Variants in HSD17B13 observed in about 807,000 individuals in gnomAD.
HSD17B13 encodes 17-beta-hydroxysteroid dehydrogenase 13.
In HSD17B13, 26 loss-of-function variants were observed where a neutral mutation model predicts 31.1. That is an observed-to-expected ratio of 0.84 (90% confidence interval 0.61 to 1.16). HSD17B13 has a LOEUF of 1.16. Among genes scored for constraint, HSD17B13 ranks in the 50% most tolerant of loss-of-function variants. The pLI, the probability that HSD17B13 is intolerant of heterozygous loss-of-function variation, is 0.00. For missense variants in HSD17B13, 374 were observed against 366.5 expected (o/e 1.02, Z -0.17); for synonymous variants, 141 against 133.7 (o/e 1.05, Z -0.38).
At chr4:87,320,382 GTTTTTTT>G (rs66590696) in intron 1 of HSD17B13, among the ~76,000 whole-genome samples, 3 of 101,382 alleles carry the variant, frequency 3.0e-5, no homozygotes, top group South Asian at 3.8e-4. Context: ...TTATTCTTCA[GTTTTTTT>G]TTTTTTTTTT....
At chr4:87,306,105 A>G (rs1412683245) in intron 6 of HSD17B13, among the ~76,000 whole-genome samples, 2 of 152,196 alleles carry the variant, frequency 1.3e-5, no homozygotes, top group Non-Finnish European at 2.9e-5. Context: ...TGCTTACGAC[A>G]GGTCATCTTT....
intron 3 of HSD17B13, 41 bp from the exon 4 acceptor site, chr4:87,315,640 A>G: frequency 7.9e-7 from 1 of 1,271,932 alleles, no homozygotes; most frequent in Non-Finnish European, 1.1e-6. Flanking sequence ...AATGACATAG[A>G]CGTTAGGTTT....
chr4:87,313,879 G>T lies in HSD17B13; in HGVS notation c.639C>A (p.Thr213=), dbSNP rs1210625807. ...TCACAAAAACTGGGCAGAGACATGA[G>T]GTTTTGATACCAGTTTTTCCCAAGG... is the stretch of plus-strand genomic sequence containing the variant. ...LQALGKTGIK[T]SCLCPVFVNT... The change falls in exon 5 of 7, where the codon ACC becomes ACA. Residue 213 remains threonine, a synonymous_variant. Coordinates refer to ENST00000328546, the MANE Select transcript of HSD17B13 (RefSeq NM_178135.5). 6.2e-7 allele frequency: 1 copy of T among 1,611,394 alleles called. No individual in the cohort carries two copies. Among genetic ancestry groups the T allele is most frequent in the Non-Finnish European group, 8.5e-7 (1 of 1,178,982 alleles).
intron 2 of HSD17B13, 51 bp from the exon 3 acceptor site, chr4:87,317,274 G>C: frequency 6.3e-7 from 1 of 1,584,856 alleles, no homozygotes. Flanking sequence ...CAAACTCAAA[G>C]TTTTGGGACC....
chr4:87,318,378 T>A lies in HSD17B13; in HGVS notation c.269A>T (p.Tyr90Phe), dbSNP rs372506188. 3 of 1,614,212 alleles carry A rather than the reference T, an allele frequency of 1.9e-6. No homozygotes were observed. The highest frequency in any genetic ancestry group is 2.5e-6 in the Non-Finnish European group (3 of 1,180,018). The change falls in exon 2 of 7, where the codon TAT (tyrosine) becomes TTT (phenylalanine). Residue 90 changes from tyrosine (Y) to phenylalanine (F), a missense_variant. Tyr to Phe is a conservative substitution (Grantham distance 22). Coordinates refer to ENST00000328546, the MANE Select transcript of HSD17B13 (RefSeq NM_178135.5). ...CRKLGVTAHAYVVDCSNREEI... is the reference protein window; with the variant it reads ...CRKLGVTAHAFVVDCSNREEI... ...TTCTCTGTTGCTGCAGTCTACCACA[T>A]ACGCATGCGCAGTGACGCCTAGTTT...
At chr4:87,318,709 A>G (rs1734715492) in intron 1 of HSD17B13, among the ~76,000 whole-genome samples, 2 of 151,136 alleles carry the variant, frequency 1.3e-5, no homozygotes, top group Non-Finnish European at 2.9e-5. Flanking sequence ...GAGGCAGGAT[A>G]ATTGCTTGAA....
At chr4:87,307,672 CG>C (rs1183402172) in intron 6 of HSD17B13, among the ~76,000 whole-genome samples, 9 of 151,954 alleles carry the variant, frequency 5.9e-5, no homozygotes, top group Admixed American at 3.9e-4. Flanking sequence ...TGCTAATTTT[CG>C]TATCTTTAGT....
At chr4:87,315,890 A>G (rs905837636) in intron 3 of HSD17B13, among the ~76,000 whole-genome samples, 13 of 152,180 alleles carry the variant, frequency 8.5e-5, no homozygotes, top group African/African-American at 3.1e-4. Flanking sequence ...ATATTAAGGG[A>G]AAAATTCAGA....
At chr4:87,321,970 C>T (rs1734796491) in intron 1 of HSD17B13, among the ~76,000 whole-genome samples, 1 of 152,134 alleles carries the variant, frequency 6.6e-6, no homozygotes, top group Non-Finnish European at 1.5e-5. Context: ...TCAGTTCCTT[C>T]AGTTTTATTT....
At chr4:87,319,216 GA>G (rs1734726715) in intron 1 of HSD17B13, among the ~76,000 whole-genome samples, 1 of 152,156 alleles carries the variant, frequency 6.6e-6, no homozygotes, top group Admixed American at 6.6e-5. Flanking sequence ...TTATTTGTTA[GA>G]AAATTTCTTG....
chr4:87,321,760 G>A (rs113675197), intron 1 of HSD17B13, among the ~76,000 whole-genome samples: 1 of 152,074 alleles, frequency 6.6e-6, no homozygotes, highest in Non-Finnish European at 1.5e-5. Flanking sequence ...AGACATTTTA[G>A]GTTTCAACTA....
rs577571684 is a variant in HSD17B13 at position 87,313,691 on chromosome 4, A to C, written c.695+132T>G. On this transcript the variant is annotated intron_variant, in intron 5 of 6. Coordinates refer to ENST00000328546, the MANE Select transcript of HSD17B13 (RefSeq NM_178135.5). ...CCTTTATTCCTTTAATTTCAAGATA[A>C]TAATAATAATAAGAAAAATTATTTT... The C allele has an allele frequency of 7.7e-5, 54 of 702,862 alleles. No individual in the cohort carries two copies. In the East Asian group the frequency reaches 1.6e-3, roughly 21 times the overall value. The allele number at this position is 702,862 out of a possible 1,614,324, so 43.5% of individuals were successfully genotyped here.
In HSD17B13 at chr4:87,318,342, C is replaced by T. The variant is rs1578442823; in HGVS notation, c.305G>A (p.Arg102His). 1 of 1,612,588 alleles carries T rather than the reference C, an allele frequency of 6.2e-7. No homozygotes were observed. The highest frequency in any genetic ancestry group is 8.5e-7 in the Non-Finnish European group (1 of 1,178,642). The stretch of plus-strand genomic sequence containing the variant: ...CTGCAGTCTCACCTGATTTAGAGAG[C>T]GATAGATCTCTTCTCTGTTGCTGCA... ...VDCSNREEIY[R>H]SLNQVKKEVG... The change falls in exon 2 of 7, where the codon CGC becomes CAC. Residue 102 changes from arginine (R) to histidine (H), a missense_variant. Arg to His is a conservative substitution (Grantham distance 29, BLOSUM62 0). Transcript: ENST00000328546.
intron 6 of HSD17B13, among the ~76,000 whole-genome samples, chr4:87,307,749 C>T (rs1734424047): frequency 1.3e-5 from 2 of 152,148 alleles, no homozygotes; most frequent in Non-Finnish European, 2.9e-5. Flanking sequence ...GATCTGCCTG[C>T]TGTGGCCTCC....
chr4:87,314,076 C>A, intron 4 of HSD17B13, 116 bp from the exon 5 acceptor site: 1 of 702,796 alleles, frequency 1.4e-6, no homozygotes, highest in Non-Finnish European at 2.2e-6. Context: ...AAATCAGCCA[C>A]TTGTGATTTT....
rs753233019 is a variant in HSD17B13, at chr4:87,310,237, A to C, written c.812+6T>G. On this transcript the variant is annotated splice_donor_region_variant and intron_variant, in intron 6 of 6. Transcript: ENST00000328546. ...TTAGTATTTGGGTGTTCTGTGCTGT[A>C]CTTACTTCTGTAGTCTCAGAAAGAT... 1 of 1,552,402 alleles carries C rather than the reference A, an allele frequency of 6.4e-7. No individual in the cohort carries two copies. Among genetic ancestry groups the C allele is most frequent in the South Asian group, 1.2e-5 (1 of 82,174 alleles).
At chr4:87,306,169 T>C (rs1734384895) in intron 6 of HSD17B13, among the ~76,000 whole-genome samples, 2 of 152,182 alleles carry the variant, frequency 1.3e-5, no homozygotes, top group African/African-American at 4.8e-5. Flanking sequence ...GTAATATTCA[T>C]AGTTCAAATT....
At chr4:87,317,568 T>TTTTTTTTTTTG (rs1734683189) in intron 2 of HSD17B13, among the ~76,000 whole-genome samples, 1 of 111,762 alleles carries the variant, frequency 8.9e-6, no homozygotes, top group Non-Finnish European at 1.7e-5. Flanking sequence ...TTAAACTTTT[T>TTTTTTTTTTTG]TTTTTTTTTT....
intron 1 of HSD17B13, among the ~76,000 whole-genome samples, chr4:87,320,990 A>C (rs957436745): frequency 6.6e-6 from 1 of 152,192 alleles, no homozygotes; most frequent in African/African-American, 2.4e-5. Flanking sequence ...TTAATGATTC[A>C]AAGAGAATTT....
Sources: allele counts gnomAD v4.1 joint callset (sites outside exome capture counted in the v4.1 genomes callset), GRCh38; gene constraint gnomAD v4.1.1; transcripts MANE v1.5; gene names NCBI Gene and HGNC (gene_info 2026-07-23, HGNC 2026-07-21).